ZNF236: variants seen among roughly 807,000 people sequenced by gnomAD.
The protein encoded by ZNF236 is regulated by glucose.
ZNF236 carries 50 observed loss-of-function variants against 191.2 expected under a neutral mutation model. The observed-to-expected ratio is 0.26, with a 90% confidence interval of 0.21 to 0.33. The LOEUF (loss-of-function observed/expected upper bound fraction) is 0.33, where lower values mean the gene tolerates loss of function less well. ZNF236 is among the 10% of genes least tolerant of loss of function. The pLI, the probability that ZNF236 is intolerant of heterozygous loss-of-function variation, is 1.00. For missense variants in ZNF236, 1,754 were observed against 2,374.5 expected (o/e 0.74, Z 5.43); for synonymous variants, 907 against 928.8 (o/e 0.98, Z 0.43).
chr18:76,967,887 A>G (rs1486797911), intron 30 of ZNF236, among the ~76,000 whole-genome samples: 1 of 152,118 alleles, frequency 6.6e-6, no homozygotes, highest in Non-Finnish European at 1.5e-5. Context: ...TAACGTCTAC[A>G]CTGTAGTGCT....
At chr18:76,844,676 G>C (rs942515140) in intron 1 of ZNF236, among the ~76,000 whole-genome samples, 7 of 152,132 alleles carry the variant, frequency 4.6e-5, no homozygotes, top group Non-Finnish European at 7.3e-5. Flanking sequence ...TTTGTCATAA[G>C]AGGCCAATTT....
At chr18:76,964,150 C>A (rs1322499389) in intron 30 of ZNF236, among the ~76,000 whole-genome samples, 3 of 152,086 alleles carry the variant, frequency 2.0e-5, no homozygotes, top group Admixed American at 1.3e-4. Flanking sequence ...TGAGGTGTGA[C>A]CTTAGATTGT....
intron 9 of ZNF236, among the ~76,000 whole-genome samples, chr18:76,893,747 A>G (rs556210839): frequency 1.2e-4 from 19 of 152,350 alleles, no homozygotes; most frequent in African/African-American, 4.1e-4. Context: ...TACTGAGCTC[A>G]AGCTATCTGT....
At chr18:76,868,634 G>A in intron 3 of ZNF236, 51 bp from the exon 4 acceptor site, 3 of 1,477,146 alleles carry the variant, frequency 2.0e-6, no homozygotes, top group Non-Finnish European at 1.8e-6. Flanking sequence ...GTTCTTTGAA[G>A]GAGTGGTTTT....
At chr18:76,888,278 G>GCATGAA (rs1977119912) in intron 9 of ZNF236, 1 of 152,306 alleles carries the variant, frequency 6.6e-6, no homozygotes. Context: ...CAGGAGAATG[G>GCATGAA]CATGAACCCG....
At chr18:76,913,290 T>C (rs1437633013) in intron 17 of ZNF236, among the ~76,000 whole-genome samples, 1 of 152,218 alleles carries the variant, frequency 6.6e-6, no homozygotes, top group Non-Finnish European at 1.5e-5. Context: ...TACTCTGTTT[T>C]GTATTTTGTA....
chr18:76,959,811 A>C lies in ZNF236; in HGVS notation c.5237A>C (p.His1746Pro), dbSNP rs527998154. The C allele has an allele frequency of 6.2e-7, 1 of 1,613,822 alleles. No individual in the cohort carries two copies. Among genetic ancestry groups the C allele is most frequent in the East Asian group, 2.2e-5 (1 of 44,872 alleles). The change falls in exon 29 of 31, where the codon CAT (histidine) becomes CCT (proline). Residue 1746 changes from histidine to proline, a missense_variant. Transcript: ENST00000320610. The stretch of plus-strand genomic sequence containing the variant: ...CAGCTGGAGCGCCACAGCCGCATAC[A>C]TACAGGTAACGGGGAAGGACGTGCT... ...PSQLERHSRI[H>P]TGERPFHCTL...
chr18:76,849,755 A>C, intron 2 of ZNF236, 87 bp downstream of exon 2: 1 of 1,271,294 alleles, frequency 7.9e-7, no homozygotes. Context: ...AAAACTTTTA[A>C]TTTAGGTTCC....
At chr18:76,910,903 AT>A (rs1225419666) in intron 16 of ZNF236, 92 bp downstream of exon 16, 5 of 1,429,002 alleles carry the variant, frequency 3.5e-6, no homozygotes, top group Non-Finnish European at 4.8e-6. Context: ...CTTAAGGGAA[AT>A]TTTAAGAGGC....
At chr18:76,833,446 T>G (rs915206785) in intron 1 of ZNF236, among the ~76,000 whole-genome samples, 2 of 152,196 alleles carry the variant, frequency 1.3e-5, no homozygotes, top group Non-Finnish European at 2.9e-5. Flanking sequence ...TTGTATTTTT[T>G]GTGGTGATCA....
At chr18:76,862,331 C>T (rs762843632) in intron 3 of ZNF236, among the ~76,000 whole-genome samples, 2 of 152,164 alleles carry the variant, frequency 1.3e-5, no homozygotes, top group Non-Finnish European at 2.9e-5. Flanking sequence ...GGTATTTACT[C>T]AATTCCAATG....
chr18:76,876,452 A>G (rs1306470362), intron 6 of ZNF236, among the ~76,000 whole-genome samples: 1 of 152,264 alleles, frequency 6.6e-6, no homozygotes, highest in East Asian at 1.9e-4. Flanking sequence ...AAGTGAACTT[A>G]GAGTTAATAC....
intron 27 of ZNF236, among the ~76,000 whole-genome samples, chr18:76,951,512 C>T (rs901863923): frequency 1.5e-4 from 23 of 152,210 alleles, no homozygotes; most frequent in Non-Finnish European, 5.9e-5. Context: ...CCTCACCTCT[C>T]GGCCTTCATA....
chr18:76,952,229 A>G (rs1245627101), intron 27 of ZNF236, among the ~76,000 whole-genome samples: 3 of 151,180 alleles, frequency 2.0e-5, no homozygotes, highest in Non-Finnish European at 2.9e-5. Flanking sequence ...TATGGAGGAC[A>G]AAAAAAGCAA....
chr18:76,829,363 T>C (rs937599719), intron 1 of ZNF236, among the ~76,000 whole-genome samples: 19 of 151,226 alleles, frequency 1.3e-4, no homozygotes, highest in African/African-American at 4.6e-4. Flanking sequence ...AGTCTCGCTC[T>C]GTCGCCCAGG....
At chr18:76,912,857 T>C (rs1967255107) in intron 17 of ZNF236, among the ~76,000 whole-genome samples, 1 of 152,252 alleles carries the variant, frequency 6.6e-6, no homozygotes, top group African/African-American at 2.4e-5. Context: ...TTCACCACAT[T>C]GGCCAGGCTG....
intron 1 of ZNF236, among the ~76,000 whole-genome samples, chr18:76,828,909 G>A (rs1975086099): frequency 6.6e-6 from 1 of 152,102 alleles, no homozygotes; most frequent in Non-Finnish European, 1.5e-5. Context: ...CAGGCAATCT[G>A]CCCCGCTTGG....
intron 18 of ZNF236, among the ~76,000 whole-genome samples, chr18:76,914,106 C>T (rs556732246): frequency 1.2e-4 from 18 of 152,306 alleles, no homozygotes; most frequent in Non-Finnish European, 2.5e-4. Context: ...AACAGTCACT[C>T]CCCATTTCCC....
intron 9 of ZNF236, chr18:76,884,940 A>G (rs1977005558): frequency 1.3e-5 from 2 of 152,204 alleles, no homozygotes; most frequent in Non-Finnish European, 2.9e-5. Context: ...CATATCAGAA[A>G]ATCCTCAGTA....
Sources: gnomAD v4.1 joint callset for allele counts (sites outside exome capture counted in the v4.1 genomes callset) on GRCh38, gnomAD v4.1.1 for gene constraint, MANE v1.5 for transcripts, NCBI Gene and HGNC (gene_info 2026-07-23, HGNC 2026-07-21) for gene names.